The following NCOA1 variants were observed in gnomAD, a reference collection of about 807,000 sequenced individuals.
NCOA1 encodes Hin-2 protein.
A neutral mutation model predicts 150.9 loss-of-function variants in NCOA1; 35 were observed. That is an observed-to-expected ratio of 0.23 (90% CI 0.18 to 0.31). NCOA1 has a LOEUF of 0.31. Among genes scored for constraint, NCOA1 ranks in the 10% least tolerant of loss-of-function variants. The pLI is 1.00. For missense variants in NCOA1, 1,491 were observed against 1,749.3 expected, an observed-to-expected ratio of 0.85 and a Z score of 2.63; for synonymous variants, 590 against 630.0, an observed-to-expected ratio of 0.94 and a Z score of 0.95.
chr2:24,523,066 T>C (rs1350320820), intron 1 of NCOA1, among the ~76,000 whole-genome samples: 1 of 152,188 alleles, frequency 6.6e-6, no homozygotes, highest in Non-Finnish European at 1.5e-5. Flanking sequence ...TCACCCTCTT[T>C]TATATGTATG....
intron 2 of NCOA1, chr2:24,564,728 T>C (rs920522435): frequency 5.9e-5 from 9 of 152,210 alleles, no homozygotes; most frequent in Non-Finnish European, 1.2e-4. Flanking sequence ...CAGGGTGGTA[T>C]GGCTGTAGAC....
chr2:24,519,981 G>A (rs1185830672), intron 1 of NCOA1, among the ~76,000 whole-genome samples: 1 of 152,186 alleles, frequency 6.6e-6, no homozygotes, highest in Non-Finnish European at 1.5e-5. Context: ...TTTACTAACA[G>A]ATACACAGAT....
intron 2 of NCOA1, among the ~76,000 whole-genome samples, chr2:24,582,708 A>G (rs1341952337): frequency 2.0e-5 from 3 of 152,190 alleles, no homozygotes. Flanking sequence ...TTCAAAATAT[A>G]CTGCAAAGCA....
intron 1 of NCOA1, among the ~76,000 whole-genome samples, chr2:24,495,592 C>T (rs527479076): frequency 5.9e-5 from 9 of 152,132 alleles, no homozygotes; most frequent in Non-Finnish European, 1.2e-4. Context: ...GGTGCAAGCA[C>T]GGAAGCAAAA....
intron 8 of NCOA1, among the ~76,000 whole-genome samples, chr2:24,689,785 G>A (rs2148556080): frequency 6.6e-6 from 1 of 152,298 alleles, no homozygotes; most frequent in Admixed American, 6.5e-5. Context: ...TACATGAGAA[G>A]AGAGCTCTAA....
chr2:24,724,508 C>CT (rs1260878333), intron 14 of NCOA1, among the ~76,000 whole-genome samples: 1 of 151,790 alleles, frequency 6.6e-6, no homozygotes, highest in African/African-American at 2.4e-5. Flanking sequence ...CCAAACAAAA[C>CT]TTTTTTTTGA....
chr2:24,565,686 A>C (rs1666471510), intron 2 of NCOA1, among the ~76,000 whole-genome samples: 1 of 152,156 alleles, frequency 6.6e-6, no homozygotes, highest in African/African-American at 2.4e-5. Context: ...AGCTCACACT[A>C]CTGGCCTGGA....
At chr2:24,614,769 T>C (rs1411627644) in intron 3 of NCOA1, among the ~76,000 whole-genome samples, 1 of 152,180 alleles carries the variant, frequency 6.6e-6, no homozygotes, top group Non-Finnish European at 1.5e-5. Flanking sequence ...ATAGAAAAAG[T>C]TATTTCTTCA....
chr2:24,500,550 ATAG>A (rs1406091238), intron 1 of NCOA1, among the ~76,000 whole-genome samples: 1 of 152,344 alleles, frequency 6.6e-6, no homozygotes, highest in Non-Finnish European at 1.5e-5. Flanking sequence ...ATTATTTTAA[ATAG>A]TAGACTCAAC....
chr2:24,545,035 A>G (rs1003012821), intron 1 of NCOA1, among the ~76,000 whole-genome samples: 2 of 152,194 alleles, frequency 1.3e-5, no homozygotes, highest in African/African-American at 4.8e-5. Context: ...ATAAATACAG[A>G]TATGTATGTA....
chr2:24,642,007 C>CAT (rs950586944), intron 3 of NCOA1, among the ~76,000 whole-genome samples: 12 of 145,030 alleles, frequency 8.3e-5, no homozygotes, highest in African/African-American at 2.8e-4. Context: ...TTACAGAGGG[C>CAT]GTGTGTGTGT....
intron 4 of NCOA1, among the ~76,000 whole-genome samples, chr2:24,646,000 AAGG>A (rs1670455649): frequency 6.6e-6 from 1 of 152,204 alleles, no homozygotes; most frequent in Non-Finnish European, 1.5e-5. Flanking sequence ...ATGAAAGAGA[AAGG>A]AGGAGAAAAT....
intron 11 of NCOA1, among the ~76,000 whole-genome samples, chr2:24,704,106 G>C (rs1673295462): frequency 6.6e-6 from 1 of 152,058 alleles, no homozygotes; most frequent in African/African-American, 2.4e-5. Flanking sequence ...CCTTAACTTA[G>C]TTTTTGTTCC....
intron 14 of NCOA1, among the ~76,000 whole-genome samples, chr2:24,715,988 C>G (rs1426665775): frequency 6.6e-6 from 1 of 151,646 alleles, no homozygotes; most frequent in African/African-American, 2.4e-5. Flanking sequence ...TAAAAAAATA[C>G]AAAAAATTAG....
At chr2:24,676,645 G>A (rs992580849) in intron 7 of NCOA1, among the ~76,000 whole-genome samples, 1 of 152,158 alleles carries the variant, frequency 6.6e-6, no homozygotes, top group Non-Finnish European at 1.5e-5. Flanking sequence ...TCAAATGACA[G>A]ACTAAGAATT....
chr2:24,702,327 T>A (rs1231803972), intron 11 of NCOA1, among the ~76,000 whole-genome samples: 1 of 152,222 alleles, frequency 6.6e-6, no homozygotes, highest in Non-Finnish European at 1.5e-5. Flanking sequence ...AACAATTTTT[T>A]AATTCTTTAT....
intron 14 of NCOA1, among the ~76,000 whole-genome samples, chr2:24,725,398 C>G (rs1236202144): frequency 6.6e-6 from 1 of 152,070 alleles, no homozygotes; most frequent in Non-Finnish European, 1.5e-5. Context: ...CCTCTTCTCT[C>G]TGGGTCAGGT....
At chr2:24,698,024 C>T (rs951627640) in intron 11 of NCOA1, among the ~76,000 whole-genome samples, 3 of 152,064 alleles carry the variant, frequency 2.0e-5, no homozygotes, top group African/African-American at 7.2e-5. Context: ...GTCACTCATT[C>T]ATTCATTCAT....
At chr2:24,648,679 C>A (rs1237200189) in intron 4 of NCOA1, among the ~76,000 whole-genome samples, 1 of 152,172 alleles carries the variant, frequency 6.6e-6, no homozygotes, top group Non-Finnish European at 1.5e-5. Context: ...CCTCAAAATA[C>A]AATTCCATTA....
Sources: gnomAD v4.1 joint callset for allele counts (sites outside exome capture counted in the v4.1 genomes callset) on GRCh38, gnomAD v4.1.1 for gene constraint, MANE v1.5 for transcripts, NCBI Gene and HGNC (gene_info 2026-07-23, HGNC 2026-07-21) for gene names.